Variants in CCSER1 observed in about 807,000 individuals in gnomAD.
The protein encoded by CCSER1 is serine-rich coiled-coil domain-containing protein 1.
CCSER1 carries 41 observed loss-of-function variants against 82.0 expected under a neutral mutation model. The observed-to-expected ratio is 0.50, with a 90% confidence interval of 0.39 to 0.65. The LOEUF (loss-of-function observed/expected upper bound fraction) is 0.65. CCSER1 is among the 30% of genes least tolerant of loss of function. The pLI is 0.00. For missense variants in CCSER1, 1,119 were observed against 1,064.2 expected, an observed-to-expected ratio of 1.05 and a Z score of -0.72; for synonymous variants, 414 against 383.9, an observed-to-expected ratio of 1.08 and a Z score of -0.92.
At chr4:90,479,506 C>A (rs539315131) in intron 5 of CCSER1, among the ~76,000 whole-genome samples, 2 of 152,206 alleles carry the variant, frequency 1.3e-5, no homozygotes, top group African/African-American at 4.8e-5. Context: ...AGGTATATCT[C>A]CTAATGCTAT....
At chr4:90,529,203 T>A (rs2153629347) in intron 5 of CCSER1, among the ~76,000 whole-genome samples, 1 of 152,190 alleles carries the variant, frequency 6.6e-6, no homozygotes, top group Admixed American at 6.5e-5. Flanking sequence ...GTAATCACTA[T>A]TTTTTATTTA....
intron 10 of CCSER1, among the ~76,000 whole-genome samples, chr4:91,267,369 ATATC>A (rs1351367899): frequency 6.6e-6 from 1 of 152,146 alleles, no homozygotes; most frequent in Non-Finnish European, 1.5e-5. Context: ...TGGCATATCT[ATATC>A]AAATAGGAAA....
chr4:90,761,269 A>C (rs2149520279), intron 7 of CCSER1, among the ~76,000 whole-genome samples: 1 of 152,262 alleles, frequency 6.6e-6, no homozygotes, highest in Non-Finnish European at 1.5e-5. Context: ...TGACTGCAAA[A>C]GTACTAAAAA....
chr4:91,230,863 G>A (rs753395906), intron 10 of CCSER1, among the ~76,000 whole-genome samples: 1 of 151,578 alleles, frequency 6.6e-6, no homozygotes, highest in Non-Finnish European at 1.5e-5. Flanking sequence ...AAGTCATTAG[G>A]TTTCGAATAA....
At chr4:91,028,559 A>T (rs1172091934) in intron 9 of CCSER1, among the ~76,000 whole-genome samples, 2 of 152,026 alleles carry the variant, frequency 1.3e-5, no homozygotes, top group African/African-American at 4.8e-5. Flanking sequence ...CAAGCATGCC[A>T]ATAAATAATG....
chr4:90,600,703 T>G (rs555850209), intron 5 of CCSER1, among the ~76,000 whole-genome samples: 1 of 152,112 alleles, frequency 6.6e-6, no homozygotes, highest in Admixed American at 6.6e-5. Context: ...CTACTTTATG[T>G]CCTTTAAATT....
At chr4:90,482,563 T>A (rs562523905) in intron 5 of CCSER1, among the ~76,000 whole-genome samples, 53 of 152,246 alleles carry the variant, frequency 3.5e-4, no homozygotes, top group Non-Finnish European at 6.2e-4. Context: ...GAGATTCTGG[T>A]ATGTTGTGTC....
chr4:91,114,685 G>T (rs1221203975), intron 10 of CCSER1, among the ~76,000 whole-genome samples: 1 of 152,216 alleles, frequency 6.6e-6, no homozygotes, highest in Non-Finnish European at 1.5e-5. Context: ...AAAGAAAGAT[G>T]AGAGGGAGGG....
intron 6 of CCSER1, among the ~76,000 whole-genome samples, chr4:90,656,971 T>C (rs1390392074): frequency 1.3e-5 from 2 of 152,052 alleles, no homozygotes; most frequent in Non-Finnish European, 2.9e-5. Flanking sequence ...TCAACAGATA[T>C]GTGATCATAT....
chr4:90,157,308 T>G (rs965696149), intron 1 of CCSER1, among the ~76,000 whole-genome samples: 1 of 152,160 alleles, frequency 6.6e-6, no homozygotes, highest in African/African-American at 2.4e-5. Flanking sequence ...CCCTTAACAT[T>G]TTTTCCTTCA....
intron 10 of CCSER1, among the ~76,000 whole-genome samples, chr4:91,320,226 G>A (rs1296898769): frequency 6.6e-6 from 1 of 151,890 alleles, no homozygotes; most frequent in Non-Finnish European, 1.5e-5. Context: ...CTCATAAGGA[G>A]GAAAAAACAT....
chr4:90,602,044 A>G (rs998631241), intron 5 of CCSER1, among the ~76,000 whole-genome samples: 1 of 152,128 alleles, frequency 6.6e-6, no homozygotes, highest in African/African-American at 2.4e-5. Flanking sequence ...AGTGGTCTAT[A>G]AATTTCTGGT....
At chr4:90,889,031 A>G (rs1457401252) in intron 8 of CCSER1, among the ~76,000 whole-genome samples, 1 of 152,180 alleles carries the variant, frequency 6.6e-6, no homozygotes, top group Admixed American at 6.5e-5. Context: ...GTTAAAAATA[A>G]TACGTGATCA....
chr4:90,556,544 A>G (rs1778161668), intron 5 of CCSER1, among the ~76,000 whole-genome samples: 1 of 152,070 alleles, frequency 6.6e-6, no homozygotes, highest in Admixed American at 6.6e-5. Flanking sequence ...TGACTGGAAG[A>G]CTTACTGATA....
chr4:90,839,434 G>C (rs1367594784), intron 8 of CCSER1, among the ~76,000 whole-genome samples: 1 of 152,202 alleles, frequency 6.6e-6, no homozygotes, highest in Admixed American at 6.5e-5. Flanking sequence ...ATAGGGCATG[G>C]AACTGTGCCT....
intron 1 of CCSER1, among the ~76,000 whole-genome samples, chr4:90,160,802 A>G (rs1729297683): frequency 6.6e-6 from 1 of 152,208 alleles, no homozygotes; most frequent in African/African-American, 2.4e-5. Context: ...GCACTAAAGA[A>G]AAAGTGAAAT....
intron 7 of CCSER1, among the ~76,000 whole-genome samples, chr4:90,809,311 TACACAC>T (rs56677479): frequency 0.15 from 22,773 of 148,160 alleles, 1,928 homozygotes; most frequent in South Asian, 0.24. Context: ...AGCAAGATCA[TACACAC>T]ACACACACAC....
intron 3 of CCSER1, among the ~76,000 whole-genome samples, chr4:90,338,003 T>A (rs1740723741): frequency 6.6e-6 from 1 of 152,222 alleles, no homozygotes; most frequent in African/African-American, 2.4e-5. Context: ...ACAGTTTAGT[T>A]GAAGGCAGGA....
chr4:90,947,362 A>C (rs1161075249), intron 9 of CCSER1, among the ~76,000 whole-genome samples: 1 of 152,196 alleles, frequency 6.6e-6, no homozygotes, highest in African/African-American at 2.4e-5. Flanking sequence ...AATGTAATTA[A>C]ATTTTTTAAC....
Sources: allele counts gnomAD v4.1 joint callset (sites outside exome capture counted in the v4.1 genomes callset), GRCh38; gene constraint gnomAD v4.1.1; transcripts MANE v1.5; gene names NCBI Gene and HGNC (gene_info 2026-07-23, HGNC 2026-07-21).